Variants in GABRB1 observed in about 807,000 individuals in gnomAD.
GABRB1 encodes gamma-aminobutyric acid receptor subunit beta-1.
Under a neutral mutation model 51.6 loss-of-function variants are expected in GABRB1, and 17 were observed. The observed-to-expected ratio is 0.33, with a 90% CI of 0.23 to 0.49. The LOEUF is 0.49. Among genes scored for constraint, GABRB1 ranks in the 20% least tolerant of loss-of-function variants. The probability of loss-of-function intolerance (pLI) is 0.99; values close to 1 mark genes in which losing one functional copy is unlikely to be tolerated. For missense variants in GABRB1, 410 were observed against 600.6 expected (o/e 0.68, Z 3.32); for synonymous variants, 247 against 218.9 (o/e 1.13, Z -1.14).
At chr4:47,237,540 G>A (rs73247683) in intron 4 of GABRB1, among the ~76,000 whole-genome samples, 1,799 of 152,078 alleles carry the variant, frequency 0.012, 10 homozygotes, top group Non-Finnish European at 0.018. Flanking sequence ...TTCTAATTGT[G>A]AAGATTTAAT....
chr4:47,014,362 T>TTA (rs1193063691), intron 1 of GABRB1, among the ~76,000 whole-genome samples: 1 of 152,252 alleles, frequency 6.6e-6, no homozygotes, highest in Non-Finnish European at 1.5e-5. Flanking sequence ...AATGTCATCT[T>TTA]TATAAAGAAC....
At chr4:47,385,378 C>G (rs527499337) in intron 5 of GABRB1, among the ~76,000 whole-genome samples, 2 of 152,222 alleles carry the variant, frequency 1.3e-5, no homozygotes, top group Middle Eastern at 3.4e-3. Context: ...TAAACAGTCA[C>G]AATTTATTTT....
chr4:47,024,691 C>T (rs1232153908), intron 1 of GABRB1, among the ~76,000 whole-genome samples: 1 of 151,416 alleles, frequency 6.6e-6, no homozygotes, highest in African/African-American at 2.4e-5. Context: ...ATACACTGAA[C>T]CCATTTGTAG....
chr4:47,090,123 T>C lies in GABRB1; in HGVS notation c.240+57639T>C, dbSNP rs530926791. On this transcript the variant is annotated intron_variant, in intron 3 of 8. Transcript: ENST00000295454. ...AATATAAAACAACTACTGTTATGAT[T>C]AGGAAAGTTATTAATGCCTTATATT... Among the ~76,000 whole-genome samples the C allele has an allele frequency of 9.8e-5, 15 of 152,364 alleles. No homozygotes were observed. The South Asian group carries it at 1.4e-3, about 15-fold the overall frequency.
At chr4:47,319,858 T>C (rs1408774835) in intron 4 of GABRB1, among the ~76,000 whole-genome samples, 1 of 152,216 alleles carries the variant, frequency 6.6e-6, no homozygotes, top group Non-Finnish European at 1.5e-5. Flanking sequence ...TTCACTCTCC[T>C]TGTTCGTTAT....
At chr4:47,356,202 G>A (rs994421919) in intron 5 of GABRB1, among the ~76,000 whole-genome samples, 1 of 152,118 alleles carries the variant, frequency 6.6e-6, no homozygotes, top group African/African-American at 2.4e-5. Context: ...ATTTCTCATC[G>A]TTATATCCTT....
intron 4 of GABRB1, among the ~76,000 whole-genome samples, chr4:47,281,802 T>C (rs1231261501): frequency 6.6e-6 from 1 of 152,180 alleles, no homozygotes; most frequent in African/African-American, 2.4e-5. Context: ...ACAAATACTA[T>C]GTGATGTCAT....
chr4:47,129,344 G>T (rs532596433), intron 3 of GABRB1, among the ~76,000 whole-genome samples: 2 of 151,998 alleles, frequency 1.3e-5, no homozygotes, highest in African/African-American at 4.8e-5. Flanking sequence ...AAATGTCCCC[G>T]CCTACAAATA....
intron 5 of GABRB1, among the ~76,000 whole-genome samples, chr4:47,348,488 T>C (rs1726186520): frequency 1.3e-5 from 2 of 152,208 alleles, no homozygotes; most frequent in Admixed American, 1.3e-4. Flanking sequence ...AGCATGTATG[T>C]ATATGGTATA....
chr4:47,151,925 G>A (rs750643639), intron 3 of GABRB1, among the ~76,000 whole-genome samples: 25 of 151,920 alleles, frequency 1.6e-4, no homozygotes, highest in Admixed American at 3.9e-4. Context: ...GACAGTAATT[G>A]CTGGAACAAT....
At chr4:47,025,864 C>G (rs1456782680) in intron 1 of GABRB1, among the ~76,000 whole-genome samples, 1 of 151,950 alleles carries the variant, frequency 6.6e-6, no homozygotes, top group Non-Finnish European at 1.5e-5. Context: ...TTGTTCAATT[C>G]TGCCTTTACT....
In GABRB1 at chr4:47,216,943, T is replaced by A. The variant is rs187979795; in HGVS notation, c.461+55474T>A. On this transcript the variant is annotated intron_variant, in intron 4 of 8. Transcript: ENST00000295454. ...TTTAACAGTGAAGAAAATTTGCAAA[T>A]AACCTAAATATTTATCAGCAAGAGA... Among the ~76,000 whole-genome samples, 115 of 151,882 alleles carry A rather than the reference T, an allele frequency of 7.6e-4. 1 individual carries two copies. The highest frequency in any genetic ancestry group is 2.3e-3 in the African/African-American group (95 of 41,524).
At chr4:47,284,969 G>A (rs1190770024) in intron 4 of GABRB1, among the ~76,000 whole-genome samples, 4 of 152,136 alleles carry the variant, frequency 2.6e-5, no homozygotes, top group Admixed American at 6.5e-5. Context: ...TTGGAGGATC[G>A]TACCCCATGA....
At chr4:47,331,497 G>C (rs1450019641) in intron 5 of GABRB1, among the ~76,000 whole-genome samples, 1 of 151,994 alleles carries the variant, frequency 6.6e-6, no homozygotes, top group Non-Finnish European at 1.5e-5. Context: ...AGATTGATGA[G>C]AATATCTCAG....
chr4:47,204,716 C>T (rs914148983), intron 4 of GABRB1, among the ~76,000 whole-genome samples: 2 of 152,146 alleles, frequency 1.3e-5, no homozygotes, highest in South Asian at 2.1e-4. Context: ...TGCACAAGCT[C>T]TCTCTTTGCC....
chr4:47,123,749 TA>T (rs1444260054), intron 3 of GABRB1, among the ~76,000 whole-genome samples: 2 of 77,030 alleles, frequency 2.6e-5, no homozygotes, highest in Non-Finnish European at 4.5e-5. Context: ...ATTATATATA[TA>T]ATATATTATA....
intron 5 of GABRB1, among the ~76,000 whole-genome samples, chr4:47,355,116 G>C (rs1195130335): frequency 1.3e-5 from 2 of 149,178 alleles, no homozygotes; most frequent in Non-Finnish European, 3.0e-5. Flanking sequence ...CTCCCAAGTA[G>C]CTGGGGCTAC....
At chr4:47,349,462 A>G (rs571757098) in intron 5 of GABRB1, among the ~76,000 whole-genome samples, 41 of 152,210 alleles carry the variant, frequency 2.7e-4, no homozygotes, top group Non-Finnish European at 5.7e-4. Flanking sequence ...CCCAGGGTCA[A>G]CTGTGGTCTG....
intron 4 of GABRB1, among the ~76,000 whole-genome samples, chr4:47,263,035 G>T (rs1722504432): frequency 9.0e-6 from 1 of 111,194 alleles, no homozygotes; most frequent in Non-Finnish European, 1.7e-5. Flanking sequence ...ACACACTGGG[G>T]ACTGTTGTGG....
Sources: allele counts gnomAD v4.1 joint callset (sites outside exome capture counted in the v4.1 genomes callset), GRCh38; gene constraint gnomAD v4.1.1; transcripts MANE v1.5; gene names NCBI Gene and HGNC (gene_info 2026-07-23, HGNC 2026-07-21).